The following CSMD2 variants were observed in gnomAD, a reference collection of about 807,000 sequenced individuals.
CSMD2 encodes CUB and Sushi multiple domains 2, also known as CUB and sushi domain-containing protein 2.
A neutral mutation model predicts 398.5 loss-of-function variants in CSMD2; 130 were observed. That is an observed-to-expected ratio of 0.33 (90% CI 0.28 to 0.38). The LOEUF (loss-of-function observed/expected upper bound fraction) is 0.38. CSMD2 is among the 10% of genes least tolerant of loss of function. The pLI, the probability that CSMD2 is intolerant of heterozygous loss-of-function variation, is 1.00. For synonymous variants in CSMD2, 1,828 were observed against 1,908.5 expected, an observed-to-expected ratio of 0.96 and a Z score of 1.10; for missense variants, 3,829 against 4,764.9, an observed-to-expected ratio of 0.80 and a Z score of 5.78.
chr1:33,594,035 A>T lies in CSMD2; in HGVS notation c.6856+6830T>A, dbSNP rs1240366076. On this transcript the variant is annotated intron_variant, in intron 44 of 70. Coordinates refer to ENST00000373381, the MANE Select transcript of CSMD2 (RefSeq NM_001281956.2). Reference sequence around the variant, plus strand: ...TTATCCCTTTTCCACCTTCTTGCACATTTATTAATATAAAATAATTATTTG... The same window carrying T: ...TTATCCCTTTTCCACCTTCTTGCACTTTTATTAATATAAAATAATTATTTG... 3.3e-5 allele frequency among the ~76,000 whole-genome samples: 5 copies of T among 152,184 alleles called. No homozygotes were observed. The East Asian group carries it at 7.7e-4, about 23-fold the overall frequency.
chr1:33,788,130 A>G (rs1653756714), intron 12 of CSMD2, among the ~76,000 whole-genome samples: 1 of 152,122 alleles, frequency 6.6e-6, no homozygotes, highest in African/African-American at 2.4e-5. Context: ...AAACAACCAG[A>G]AGGCCCTCAG....
chr1:33,801,206 C>T (rs1655567886), intron 10 of CSMD2, among the ~76,000 whole-genome samples: 1 of 152,180 alleles, frequency 6.6e-6, no homozygotes, highest in African/African-American at 2.4e-5. Context: ...CCTCACTCTC[C>T]ATCTCTCTTC....
intron 44 of CSMD2, chr1:33,600,348 T>C (rs1468151565): frequency 1.4e-5 from 8 of 589,402 alleles, no homozygotes; most frequent in Non-Finnish European, 2.4e-5. Context: ...TGAGGAAATA[T>C]CCAGATCCCT....
intron 12 of CSMD2, among the ~76,000 whole-genome samples, chr1:33,784,909 C>T (rs555066021): frequency 3.9e-4 from 60 of 152,298 alleles, no homozygotes; most frequent in African/African-American, 1.4e-3. Context: ...AGAGAGACCA[C>T]AAGACTCAAG....
At chr1:33,673,452 G>A (rs1459869849) in intron 25 of CSMD2, among the ~76,000 whole-genome samples, 2 of 152,180 alleles carry the variant, frequency 1.3e-5, no homozygotes, top group African/African-American at 2.4e-5. Context: ...CAAGAAATAT[G>A]GGACTATGTG....
At chr1:33,632,689 G>A (rs1021243920) in intron 32 of CSMD2, among the ~76,000 whole-genome samples, 9 of 152,106 alleles carry the variant, frequency 5.9e-5, no homozygotes, top group Admixed American at 5.2e-4. Flanking sequence ...TTGATAATCT[G>A]CATAAAAAGC....
At chr1:33,598,483 T>C (rs1639981522) in intron 44 of CSMD2, among the ~76,000 whole-genome samples, 1 of 152,054 alleles carries the variant, frequency 6.6e-6, no homozygotes, top group Non-Finnish European at 1.5e-5. Flanking sequence ...CTGTAACAAA[T>C]TACCATAGAC....
chr1:33,881,733 A>G (rs554358180), intron 5 of CSMD2, among the ~76,000 whole-genome samples: 1 of 152,380 alleles, frequency 6.6e-6, no homozygotes, highest in Non-Finnish European at 1.5e-5. Flanking sequence ...CTGTGTGCAG[A>G]AAGTAATATA....
chr1:34,160,988 G>T (rs1447715070), intron 1 of CSMD2, among the ~76,000 whole-genome samples: 1 of 152,150 alleles, frequency 6.6e-6, no homozygotes, highest in Non-Finnish European at 1.5e-5. Flanking sequence ...TAGTTAGTAA[G>T]GGAGTGGAAG....
intron 1 of CSMD2, among the ~76,000 whole-genome samples, chr1:34,145,933 C>A (rs1191128311): frequency 6.6e-6 from 1 of 152,208 alleles, no homozygotes; most frequent in African/African-American, 2.4e-5. Flanking sequence ...CTAGCCCTAA[C>A]TCTGCAGATG....
chr1:34,064,862 A>G (rs1294548676), intron 2 of CSMD2, among the ~76,000 whole-genome samples: 1 of 152,146 alleles, frequency 6.6e-6, no homozygotes, highest in African/African-American at 2.4e-5. Flanking sequence ...TCATGGCAGG[A>G]GGCGAAAGGC....
At chr1:33,855,237 C>G (rs556349026) in intron 5 of CSMD2, among the ~76,000 whole-genome samples, 46 of 152,300 alleles carry the variant, frequency 3.0e-4, no homozygotes, top group African/African-American at 1.1e-3. Flanking sequence ...CTCCTTCCCT[C>G]AACCCACAGC....
chr1:33,745,506 A>G (rs1271508371), intron 13 of CSMD2, among the ~76,000 whole-genome samples: 2 of 152,226 alleles, frequency 1.3e-5, no homozygotes, highest in Non-Finnish European at 2.9e-5. Context: ...AAGATGAAAA[A>G]TAATAAAATC....
At chr1:33,685,617 A>G (rs1393773298) in intron 25 of CSMD2, among the ~76,000 whole-genome samples, 1 of 152,194 alleles carries the variant, frequency 6.6e-6, no homozygotes, top group Non-Finnish European at 1.5e-5. Context: ...ACATGCACGC[A>G]GCTCCAGCCA....
chr1:34,076,993 G>T (rs375274504), intron 2 of CSMD2, among the ~76,000 whole-genome samples: 68 of 138,892 alleles, frequency 4.9e-4, no homozygotes, highest in African/African-American at 1.7e-3. Flanking sequence ...GCCTTAAGGA[G>T]CTTAGAATCT....
chr1:33,951,386 CT>C (rs1261331176), intron 3 of CSMD2, among the ~76,000 whole-genome samples: 8 of 152,188 alleles, frequency 5.3e-5, no homozygotes, highest in African/African-American at 1.7e-4. Context: ...CCTCATTATG[CT>C]TACACTCTAC....
chr1:34,048,029 C>T (rs1652736629), intron 2 of CSMD2, among the ~76,000 whole-genome samples: 1 of 152,202 alleles, frequency 6.6e-6, no homozygotes, highest in African/African-American at 2.4e-5. Context: ...CTGAAAACCC[C>T]TGAGCCAACT....
At chr1:33,639,179 A>G (rs1280984948) in intron 29 of CSMD2, among the ~76,000 whole-genome samples, 1 of 152,216 alleles carries the variant, frequency 6.6e-6, no homozygotes, top group African/African-American at 2.4e-5. Context: ...TAACGTTGAA[A>G]TGGGATCCAT....
At chr1:33,908,103 A>G (rs1359767401) in intron 5 of CSMD2, among the ~76,000 whole-genome samples, 6 of 144,908 alleles carry the variant, frequency 4.1e-5, no homozygotes, top group Non-Finnish European at 7.8e-5. Flanking sequence ...AAAAAAAAAA[A>G]AAAAGAAAAG....
Sources: allele counts gnomAD v4.1 joint callset (sites outside exome capture counted in the v4.1 genomes callset), GRCh38; gene constraint gnomAD v4.1.1; transcripts MANE v1.5; gene names NCBI Gene and HGNC (gene_info 2026-07-23, HGNC 2026-07-21).